Variants in MAML3 observed in about 807,000 individuals in gnomAD.
The protein encoded by MAML3 is mastermind-like protein 3.
A neutral mutation model predicts 101.9 loss-of-function variants in MAML3; 27 were observed. The observed-to-expected ratio is 0.27, with a 90% confidence interval of 0.20 to 0.37. The LOEUF (loss-of-function observed/expected upper bound fraction) is 0.37, where lower values mean the gene tolerates loss of function less well. MAML3 is among the 10% of genes least tolerant of loss of function. The probability of loss-of-function intolerance (pLI) is 1.00; values close to 1 mark genes in which losing one functional copy is unlikely to be tolerated. For missense variants in MAML3, 1,316 were observed against 1,444.9 expected (o/e 0.91, Z 1.45); for synonymous variants, 501 against 555.9 (o/e 0.90, Z 1.39).
At chr4:139,904,870 A>G (rs552781425) in intron 1 of MAML3, among the ~76,000 whole-genome samples, 2 of 152,350 alleles carry the variant, frequency 1.3e-5, no homozygotes, top group South Asian at 2.1e-4. Context: ...CTGTAACACA[A>G]TGGTAATTGG....
chr4:139,936,994 T>C (rs895328492), intron 1 of MAML3, among the ~76,000 whole-genome samples: 2 of 152,104 alleles, frequency 1.3e-5, no homozygotes, highest in South Asian at 2.1e-4. Context: ...TTCTACCCAG[T>C]GTCAAACAAC....
intron 2 of MAML3, among the ~76,000 whole-genome samples, chr4:139,752,686 C>T (rs1356555824): frequency 3.9e-5 from 6 of 151,908 alleles, no homozygotes; most frequent in Non-Finnish European, 8.8e-5. Context: ...ATATTTCTCC[C>T]GAGAGAGCAT....
chr4:139,775,914 A>G (rs1730087354), intron 2 of MAML3, among the ~76,000 whole-genome samples: 1 of 152,226 alleles, frequency 6.6e-6, no homozygotes, highest in Admixed American at 6.5e-5. Flanking sequence ...TACAACTTGC[A>G]ACTGTTAGGC....
chr4:140,147,916 ATG>A (rs5862457), intron 1 of MAML3, among the ~76,000 whole-genome samples: 2,300 of 150,978 alleles, frequency 0.015, 61 homozygotes, highest in African/African-American at 0.052. Context: ...GAATGAGTGA[ATG>A]TGTGTGTGTG....
intron 2 of MAML3, among the ~76,000 whole-genome samples, chr4:139,765,162 C>T (rs1426104857): frequency 6.6e-6 from 1 of 152,188 alleles, no homozygotes; most frequent in Non-Finnish European, 1.5e-5. Flanking sequence ...TTCTTTGGTT[C>T]TCATCTCCTT....
chr4:140,145,095 G>A (rs1243352745), intron 1 of MAML3, among the ~76,000 whole-genome samples: 2 of 152,176 alleles, frequency 1.3e-5, no homozygotes, highest in South Asian at 2.1e-4. Context: ...AGAGCACTTC[G>A]GCCTTTTCCT....
At chr4:139,771,958 G>A (rs1468644691) in intron 2 of MAML3, among the ~76,000 whole-genome samples, 4 of 125,510 alleles carry the variant, frequency 3.2e-5, no homozygotes, top group African/African-American at 1.2e-4. Context: ...AAAAAAAAAA[G>A]TCCGGGCGCG....
At chr4:139,969,660 T>C (rs1734200531) in intron 1 of MAML3, among the ~76,000 whole-genome samples, 2 of 152,202 alleles carry the variant, frequency 1.3e-5, no homozygotes, top group Admixed American at 1.3e-4. Flanking sequence ...CTTTACTTCT[T>C]GCATTTCAAC....
chr4:139,994,473 T>C (rs1242709324), intron 1 of MAML3, among the ~76,000 whole-genome samples: 1 of 152,160 alleles, frequency 6.6e-6, no homozygotes, highest in African/African-American at 2.4e-5. Flanking sequence ...GAGACCAGGC[T>C]GGGCAACATA....
chr4:139,749,988 T>C (rs1315352779), intron 2 of MAML3, among the ~76,000 whole-genome samples: 1 of 150,644 alleles, frequency 6.6e-6, no homozygotes, highest in Non-Finnish European at 1.5e-5. Flanking sequence ...TTCATTAATA[T>C]GGATGGATTA....
intron 2 of MAML3, among the ~76,000 whole-genome samples, chr4:139,772,361 G>C (rs922974279): frequency 6.8e-6 from 1 of 147,698 alleles, no homozygotes; most frequent in Non-Finnish European, 1.5e-5. Context: ...GTTTTTTTGA[G>C]ACAGAATTTT....
chr4:140,069,417 GAGGGGAAGGAGGAGA>G (rs1560883617), intron 1 of MAML3, among the ~76,000 whole-genome samples: 14 of 81,100 alleles, frequency 1.7e-4, no homozygotes, highest in South Asian at 5.2e-4. Flanking sequence ...GGAGGAGGAG[GAGGGGAAGGAGGAGA>G]AGGAGGAGAA....
chr4:140,072,734 G>A (rs1167190617), intron 1 of MAML3, among the ~76,000 whole-genome samples: 1 of 151,850 alleles, frequency 6.6e-6, no homozygotes, highest in East Asian at 1.9e-4. Flanking sequence ...CAACACCATT[G>A]TATATCAGGG....
At chr4:139,997,764 A>G (rs1263543797) in intron 1 of MAML3, among the ~76,000 whole-genome samples, 1 of 150,960 alleles carries the variant, frequency 6.6e-6, no homozygotes, top group Non-Finnish European at 1.5e-5. Context: ...TTTTTTTTTT[A>G]AATTCGGGAT....
intron 1 of MAML3, among the ~76,000 whole-genome samples, chr4:139,974,198 C>T (rs1266005708): frequency 2.0e-5 from 3 of 151,486 alleles, no homozygotes; most frequent in Admixed American, 6.6e-5. Flanking sequence ...CTCCGCCTCC[C>T]GGGTTCACAC....
At chr4:140,005,801 C>G (rs931383359) in intron 1 of MAML3, among the ~76,000 whole-genome samples, 5 of 152,218 alleles carry the variant, frequency 3.3e-5, no homozygotes, top group Non-Finnish European at 7.3e-5. Context: ...GTGAGTCAAA[C>G]AGACTGCAGT....
intron 1 of MAML3, among the ~76,000 whole-genome samples, chr4:139,922,352 T>C (rs1733145066): frequency 6.6e-6 from 1 of 152,124 alleles, no homozygotes; most frequent in African/African-American, 2.4e-5. Context: ...GCAAGATCAT[T>C]ACCATATCAA....
chr4:140,091,846 G>A (rs1056943574), intron 1 of MAML3, among the ~76,000 whole-genome samples: 2 of 151,842 alleles, frequency 1.3e-5, no homozygotes, highest in Non-Finnish European at 2.9e-5. Flanking sequence ...TCCTCTCTTC[G>A]AGGACTGCAA....
intron 1 of MAML3, among the ~76,000 whole-genome samples, chr4:140,048,396 TTTA>T (rs372617430): frequency 7.4e-4 from 113 of 152,190 alleles, no homozygotes; most frequent in African/African-American, 2.6e-3. Flanking sequence ...TCAGGAGAAA[TTTA>T]TTGGGAACCT....
Sources: allele counts gnomAD v4.1 joint callset (sites outside exome capture counted in the v4.1 genomes callset), GRCh38; gene constraint gnomAD v4.1.1; transcripts MANE v1.5; gene names NCBI Gene and HGNC (gene_info 2026-07-23, HGNC 2026-07-21).